MAPK14: variants seen among roughly 807,000 people sequenced by gnomAD.
MAPK14 encodes the protein mitogen-activated protein kinase 14.
In MAPK14, 16 loss-of-function variants were observed where a neutral mutation model predicts 49.6. The ratio of observed to expected loss-of-function variants is 0.32; its 90% confidence interval spans 0.22 to 0.49. The LOEUF (loss-of-function observed/expected upper bound fraction) is 0.49. MAPK14 is among the 20% of genes least tolerant of loss of function. The pLI is 0.99. For synonymous variants in MAPK14, 142 were observed against 158.0 expected, an observed-to-expected ratio of 0.90 and a Z score of 0.76; for missense variants, 200 against 441.2, an observed-to-expected ratio of 0.45 and a Z score of 4.90.
intron 8 of MAPK14, among the ~76,000 whole-genome samples, chr6:36,079,024 A>T (rs948713405): frequency 1.3e-5 from 2 of 152,242 alleles, no homozygotes; most frequent in African/African-American, 2.4e-5. Flanking sequence ...TCTAGTTTGC[A>T]GCTAGTGTTG....
At chr6:36,108,258 G>A (rs1765859040) in intron 11 of MAPK14, 122 bp from the exon 12 acceptor site, 1 of 721,374 alleles carries the variant, frequency 1.4e-6, no homozygotes, top group Admixed American at 2.0e-5. Context: ...CAAGCTGTGA[G>A]GTAGCCCATC....
chr6:36,090,773 C>G (rs1194208179), intron 8 of MAPK14, among the ~76,000 whole-genome samples: 1 of 152,172 alleles, frequency 6.6e-6, no homozygotes, highest in Non-Finnish European at 1.5e-5. Context: ...AGCAGTTTCA[C>G]TTTAGACACC....
chr6:36,103,085 A>G (rs1562153815), intron 10 of MAPK14, among the ~76,000 whole-genome samples: 1 of 152,128 alleles, frequency 6.6e-6, no homozygotes, highest in Non-Finnish European at 1.5e-5. Context: ...GCTCTGCTCT[A>G]ACGGTAGCTG....
intron 1 of MAPK14, among the ~76,000 whole-genome samples, chr6:36,036,668 C>A (rs1203677591): frequency 6.6e-6 from 1 of 152,186 alleles, no homozygotes; most frequent in Non-Finnish European, 1.5e-5. Flanking sequence ...ACAAGACCCT[C>A]CACCAGCAAG....
At chr6:36,101,598 T>C (rs1045955789) in intron 9 of MAPK14, among the ~76,000 whole-genome samples, 1 of 151,874 alleles carries the variant, frequency 6.6e-6, no homozygotes, top group African/African-American at 2.4e-5. Flanking sequence ...CTTCCTGGGC[T>C]CCATCTCCCT....
intron 8 of MAPK14, among the ~76,000 whole-genome samples, chr6:36,079,467 A>G (rs1021479050): frequency 1.3e-5 from 2 of 152,170 alleles, no homozygotes; most frequent in Admixed American, 1.3e-4. Context: ...GGCCACACAT[A>G]AAATACACTA....
chr6:36,080,640 A>G (rs6910685), intron 8 of MAPK14, among the ~76,000 whole-genome samples: 21,025 of 152,126 alleles, frequency 0.14, 1,788 homozygotes, highest in African/African-American at 0.24. Context: ...ATTGTGAATA[A>G]TGCTGCAGTG....
At chr6:36,102,117 T>A (rs1765659633) in intron 9 of MAPK14, among the ~76,000 whole-genome samples, 1 of 152,174 alleles carries the variant, frequency 6.6e-6, no homozygotes, top group Non-Finnish European at 1.5e-5. Flanking sequence ...GTTAGCAAGG[T>A]TTAATATTGA....
At chr6:36,079,111 A>AT (rs1285071787) in intron 8 of MAPK14, among the ~76,000 whole-genome samples, 11 of 152,140 alleles carry the variant, frequency 7.2e-5, no homozygotes, top group Non-Finnish European at 1.5e-4. Flanking sequence ...ATCTCTATTC[A>AT]TTTTTTTTGA....
At chr6:36,050,284 A>G (rs934864525) in intron 1 of MAPK14, among the ~76,000 whole-genome samples, 13 of 152,202 alleles carry the variant, frequency 8.5e-5, no homozygotes, top group African/African-American at 3.1e-4. Context: ...AGGAAGGGAG[A>G]TGAAGACAGA....
At chr6:36,079,702 G>C (rs377503527) in intron 8 of MAPK14, among the ~76,000 whole-genome samples, 131 of 152,146 alleles carry the variant, frequency 8.6e-4, no homozygotes, top group African/African-American at 3.1e-3. Flanking sequence ...TTGGTGGTTT[G>C]GGCTTGTAAG....
intron 9 of MAPK14, among the ~76,000 whole-genome samples, chr6:36,100,732 GAATAAATAC>G (rs1319141216): frequency 1.3e-5 from 2 of 152,052 alleles, no homozygotes; most frequent in African/African-American, 4.8e-5. Flanking sequence ...AAATAATATA[GAATAAATAC>G]AAACACTTTG....
intron 10 of MAPK14, among the ~76,000 whole-genome samples, chr6:36,106,613 G>A (rs954734383): frequency 6.6e-6 from 1 of 152,250 alleles, no homozygotes; most frequent in East Asian, 1.9e-4. Context: ...GGAGGGTAAA[G>A]TGTCATGTCT....
intron 1 of MAPK14, among the ~76,000 whole-genome samples, chr6:36,029,793 C>G (rs1762464972): frequency 6.6e-6 from 1 of 152,048 alleles, no homozygotes; most frequent in Non-Finnish European, 1.5e-5. Context: ...ATTTTTACAG[C>G]ATGGCAGTTT....
chr6:36,035,333 G>T (rs1443174123), intron 1 of MAPK14, among the ~76,000 whole-genome samples: 16 of 152,226 alleles, frequency 1.1e-4, no homozygotes, highest in Admixed American at 1.0e-3. Context: ...GTTTTGAGGT[G>T]TCTGGAACCA....
At chr6:36,029,624 CTG>C (rs1317136708) in intron 1 of MAPK14, among the ~76,000 whole-genome samples, 2 of 152,210 alleles carry the variant, frequency 1.3e-5, no homozygotes, top group Non-Finnish European at 2.9e-5. Context: ...AATATGATTT[CTG>C]TGTTTCCCAA....
downstream of MAPK14, among the ~76,000 whole-genome samples, chr6:36,115,834 G>A (rs556580520): frequency 3.3e-5 from 5 of 151,056 alleles, no homozygotes; most frequent in African/African-American, 1.2e-4. Flanking sequence ...AGGCTGAGGC[G>A]GGAAAATTGC....
chr6:36,088,594 C>T (rs1422847953), intron 8 of MAPK14, among the ~76,000 whole-genome samples: 11 of 151,818 alleles, frequency 7.2e-5, no homozygotes, highest in Admixed American at 1.3e-4. Flanking sequence ...TGGTGGTGTG[C>T]GCCTGTAGTC....
intron 1 of MAPK14, among the ~76,000 whole-genome samples, chr6:36,034,350 T>C (rs1434265676): frequency 1.3e-5 from 2 of 152,268 alleles, no homozygotes; most frequent in African/African-American, 4.8e-5. Context: ...AATTCTTCAG[T>C]GTACATTTAT....
Sources: allele counts gnomAD v4.1 joint callset (sites outside exome capture counted in the v4.1 genomes callset), GRCh38; gene constraint gnomAD v4.1.1; transcripts MANE v1.5; gene names NCBI Gene and HGNC (gene_info 2026-07-23, HGNC 2026-07-21).